The following SMC1B variants were observed in gnomAD, a reference collection of about 807,000 sequenced individuals.
SMC1B encodes structural maintenance of chromosomes protein 1B.
In SMC1B, 60 loss-of-function variants were observed where a neutral mutation model predicts 157.9. The ratio of observed to expected loss-of-function variants is 0.38; its 90% CI spans 0.31 to 0.47. The LOEUF (loss-of-function observed/expected upper bound fraction) is 0.47, where lower values mean the gene tolerates loss of function less well. Ranked by LOEUF, SMC1B falls within the 20% of genes least tolerant of loss-of-function variation. The pLI is 0.99. For missense variants in SMC1B, 1,165 were observed against 1,426.2 expected (o/e 0.82, Z 2.95); for synonymous variants, 445 against 483.0 (o/e 0.92, Z 1.03).
At chr22:45,388,986 CAAAA>C (rs371475132) in intron 10 of SMC1B, among the ~76,000 whole-genome samples, 20 of 54,470 alleles carry the variant, frequency 3.7e-4, no homozygotes, top group African/African-American at 1.2e-3. Context: ...GACTCTGCCT[CAAAA>C]AAAAAAAAAA....
At chr22:45,396,239 GAC>G in intron 7 of SMC1B, 105 bp downstream of exon 7, 1 of 876,596 alleles carries the variant, frequency 1.1e-6, no homozygotes, top group Non-Finnish European at 1.7e-6. Context: ...AATGAAATGA[GAC>G]AGTATAGTGT....
chr22:45,395,852 C>T (rs1394047212), intron 7 of SMC1B, among the ~76,000 whole-genome samples: 4 of 152,008 alleles, frequency 2.6e-5, no homozygotes, highest in Non-Finnish European at 5.9e-5. Flanking sequence ...ACCGAAACTC[C>T]GTATCAAATA....
chr22:45,408,902 G>A lies in SMC1B; in HGVS notation c.110-4C>T. On this transcript the variant is annotated splice_polypyrimidine_tract_variant and splice_region_variant and intron_variant, in intron 1 of 24. Coordinates refer to ENST00000357450, the MANE Select transcript of SMC1B (RefSeq NM_148674.5). ...GCATCCATTACATTAGATTTTCCTG[G>A]GGAAGAAAAGAGATAAAACATTATT... The A allele has an allele frequency of 1.4e-6, 2 of 1,465,800 alleles. No individual in the cohort carries two copies. The highest frequency in any genetic ancestry group is 1.8e-6 in the Non-Finnish European group (2 of 1,102,262). The allele number at this position is 1,465,800 out of a possible 1,614,324, so 90.8% of individuals were successfully genotyped here.
intron 1 of SMC1B, among the ~76,000 whole-genome samples, chr22:45,411,744 G>A (rs747036406): frequency 2.7e-5 from 4 of 149,882 alleles, no homozygotes; most frequent in African/African-American, 4.9e-5. Flanking sequence ...GCGCCACCAC[G>A]CCAGGCTTTT....
chr22:45,372,452 G>C (rs2086842622), intron 12 of SMC1B, among the ~76,000 whole-genome samples, 160 bp from the exon 13 acceptor site: 1 of 152,104 alleles, frequency 6.6e-6, no homozygotes, highest in African/African-American at 2.4e-5. Flanking sequence ...AAGTACATTA[G>C]TGATCTGGAG....
chr22:45,400,247 G>C (rs569295904), intron 5 of SMC1B, among the ~76,000 whole-genome samples: 1 of 152,016 alleles, frequency 6.6e-6, no homozygotes, highest in Admixed American at 6.6e-5. Context: ...GGAGAGCCTG[G>C]GGCAGGCTCA....
chr22:45,354,899 T>C (rs577096982), intron 20 of SMC1B, 60 bp downstream of exon 20: 1 of 1,532,838 alleles, frequency 6.5e-7, no homozygotes, highest in East Asian at 2.3e-5. Context: ...TGTTGGCAAA[T>C]GTTATAGCAA....
chr22:45,376,729 T>A (rs975574308), intron 12 of SMC1B, among the ~76,000 whole-genome samples: 7 of 151,282 alleles, frequency 4.6e-5, no homozygotes. Flanking sequence ...TTTTTTTTCC[T>A]CACACAAAAC....
At chr22:45,401,595 C>T (rs968625295) in intron 5 of SMC1B, among the ~76,000 whole-genome samples, 4 of 152,240 alleles carry the variant, frequency 2.6e-5, no homozygotes, top group South Asian at 2.1e-4. Context: ...TAGTCCTAAG[C>T]GGTTCTTCAC....
At chr22:45,388,528 G>A (rs1364913252) in intron 10 of SMC1B, among the ~76,000 whole-genome samples, 1 of 152,138 alleles carries the variant, frequency 6.6e-6, no homozygotes, top group Non-Finnish European at 1.5e-5. Flanking sequence ...CAAAAGGGAG[G>A]TCTGGACCAT....
chr22:45,362,127 G>C (rs1204629009), intron 16 of SMC1B, 143 bp from the exon 17 acceptor site: 2 of 700,500 alleles, frequency 2.9e-6, no homozygotes, highest in East Asian at 2.9e-5. Context: ...ATCGTGGACT[G>C]TGACTCACGT....
chr22:45,356,903 G>T (rs1381501782), intron 19 of SMC1B, among the ~76,000 whole-genome samples: 2 of 151,516 alleles, frequency 1.3e-5, no homozygotes, highest in African/African-American at 4.8e-5. Flanking sequence ...CTAATTTTTT[G>T]TGTGTTTTTA....
intron 15 of SMC1B, 32 bp from the exon 16 acceptor site, chr22:45,363,058 A>G (rs2086737284): frequency 6.9e-7 from 1 of 1,459,244 alleles, no homozygotes; most frequent in African/African-American, 1.5e-5. Flanking sequence ...TTACAAGTGT[A>G]AACAGAAAAC....
At position 45,344,388 on chromosome 22, in the gene SMC1B, A is replaced by T. The variant is rs965950327; in HGVS notation, c.*168T>A. On this transcript the variant is annotated 3_prime_UTR_variant, in exon 25 of 25. Transcript: ENST00000357450. Reference sequence around the variant, plus strand: ...ACTTTCCCTACTAGAATGAGGTCTGAACACTCAACTAAAGTGAGCCACAGC... The same window carrying T: ...ACTTTCCCTACTAGAATGAGGTCTGTACACTCAACTAAAGTGAGCCACAGC... 1.0e-5 allele frequency: 5 copies of T among 491,286 alleles called. No individual in the cohort carries two copies. The highest frequency in any genetic ancestry group is 9.7e-5 in the African/African-American group (5 of 51,660). 30.4% of individuals were successfully genotyped at this position (491,286 alleles called of 1,614,324 possible). A position where few individuals can be genotyped will look rare whatever the true frequency, so the allele number is the denominator to read the frequency against.
rs908709761 is a variant in SMC1B at position 45,363,068 on chromosome 22, CTT to C, written c.2421-44_2421-43del. On this transcript the variant is annotated intron_variant, in intron 15 of 24. Transcript: ENST00000357450. Reference sequence around the variant, plus strand: ...AAGCATTACAAGTGTAAACAGAAAACTTTGATTCCTTCTTTTTTCTTATGGGA... The same window carrying C: ...AAGCATTACAAGTGTAAACAGAAAACTGATTCCTTCTTTTTTCTTATGGGA... 10 of 1,363,746 alleles carry C rather than the reference CTT, an allele frequency of 7.3e-6. No individual in the cohort carries two copies. The African/African-American group carries it at 1.2e-4, about 16-fold the overall frequency. The allele number at this position is 1,363,746 out of a possible 1,614,324, so 84.5% of individuals were successfully genotyped here.
chr22:45,395,203 C>T (rs575491895), intron 7 of SMC1B, among the ~76,000 whole-genome samples: 1 of 152,064 alleles, frequency 6.6e-6, no homozygotes, highest in Admixed American at 6.5e-5. Flanking sequence ...GTAGGAGAGA[C>T]AGATAATTAA....
Position 45,399,311 on chromosome 22 carries a change from A to G in SMC1B, c.897T>C (p.Ile299=). 6.2e-7 allele frequency: 1 copy of G among 1,613,926 alleles called. No individual in the cohort carries two copies. The highest frequency in any genetic ancestry group is 8.5e-7 in the Non-Finnish European group (1 of 1,179,898). Residue 299 remains isoleucine, a synonymous_variant, in exon 6 of 25, where the codon ATT becomes ATC. Coordinates refer to ENST00000357450, the MANE Select transcript of SMC1B (RefSeq NM_148674.5). ...GGTGAGAAGTGTTTTCTTTGGCTTT[A>G]ATGTACTGAGGCCTCTTCTGATTTA... ...TLLNQKRPQY[I]KAKENTSHHL... is the part of the protein sequence containing the mutation.
At chr22:45,393,014 A>C (rs559052684) in intron 9 of SMC1B, among the ~76,000 whole-genome samples, 2 of 152,112 alleles carry the variant, frequency 1.3e-5, no homozygotes, top group South Asian at 4.1e-4. Context: ...GGTGTTTCAA[A>C]ACAGAGCAGT....
At chr22:45,397,832 C>T (rs1178440374) in intron 6 of SMC1B, among the ~76,000 whole-genome samples, 3 of 152,164 alleles carry the variant, frequency 2.0e-5, no homozygotes, top group African/African-American at 7.2e-5. Context: ...TCTTGCATCC[C>T]CTCTCTGCTG....
Sources: allele counts gnomAD v4.1 joint callset (sites outside exome capture counted in the v4.1 genomes callset), GRCh38; gene constraint gnomAD v4.1.1; transcripts MANE v1.5; gene names NCBI Gene and HGNC (gene_info 2026-07-23, HGNC 2026-07-21).